Variants in RABGAP1 observed in about 807,000 individuals in gnomAD.
The protein encoded by RABGAP1 is rab GTPase-activating protein 1.
Under a neutral mutation model 137.6 loss-of-function variants are expected in RABGAP1, and 23 were observed. The observed-to-expected ratio is 0.17, with a 90% confidence interval of 0.12 to 0.24. The LOEUF is 0.24. Among genes scored for constraint, RABGAP1 ranks in the 10% least tolerant of loss-of-function variants. The pLI, the probability that RABGAP1 is intolerant of heterozygous loss-of-function variation, is 1.00. For synonymous variants in RABGAP1, 451 were observed against 450.7 expected (o/e 1.00, Z -0.01); for missense variants, 906 against 1,275.8 (o/e 0.71, Z 4.42).
intron 10 of RABGAP1, among the ~76,000 whole-genome samples, chr9:123,007,353 G>A (rs2030370398): frequency 6.7e-6 from 1 of 149,922 alleles, no homozygotes; most frequent in Admixed American, 6.7e-5. Context: ...GGGATTATAG[G>A]CGTGAGCTAC....
upstream of RABGAP1, among the ~76,000 whole-genome samples, chr9:122,936,712 G>A (rs1016663391): frequency 2.6e-5 from 4 of 152,172 alleles, no homozygotes; most frequent in African/African-American, 9.7e-5. Flanking sequence ...CCCACCAGCT[G>A]AACCTCTTTC....
intron 4 of RABGAP1, among the ~76,000 whole-genome samples, chr9:122,986,659 G>A (rs1337663056): frequency 6.6e-6 from 1 of 152,016 alleles, no homozygotes; most frequent in Non-Finnish European, 1.5e-5. Context: ...TAATGTTTTG[G>A]GGATAAATGA....
intron 19 of RABGAP1, among the ~76,000 whole-genome samples, chr9:123,087,565 GT>G (rs1220173203): frequency 6.6e-6 from 1 of 152,322 alleles, no homozygotes; most frequent in South Asian, 2.1e-4. Context: ...CACAATAAAA[GT>G]TTACCCTAGC....
intron 13 of RABGAP1, among the ~76,000 whole-genome samples, chr9:123,023,488 T>C (rs1008279501): frequency 6.6e-6 from 1 of 152,156 alleles, no homozygotes; most frequent in Non-Finnish European, 1.5e-5. Context: ...CATCCTTGAA[T>C]TTAATTTAAA....
At chr9:122,961,183 C>G (rs534209539) in intron 2 of RABGAP1, among the ~76,000 whole-genome samples, 1 of 152,118 alleles carries the variant, frequency 6.6e-6, no homozygotes, top group African/African-American at 2.4e-5. Context: ...TCAATGAACT[C>G]CATGTAGGAT....
At chr9:123,013,303 G>A (rs1475738750) in intron 11 of RABGAP1, among the ~76,000 whole-genome samples, 1 of 151,028 alleles carries the variant, frequency 6.6e-6, no homozygotes, top group Non-Finnish European at 1.5e-5. Flanking sequence ...AGGTAGTGAA[G>A]CTGGGGACAT....
intron 13 of RABGAP1, among the ~76,000 whole-genome samples, chr9:123,028,780 A>G (rs1335569514): frequency 4.6e-5 from 7 of 152,210 alleles, no homozygotes; most frequent in African/African-American, 1.7e-4. Context: ...AATTGTCTTA[A>G]TTCAGATCCT....
chr9:122,939,471 C>T (rs1025911957), upstream of RABGAP1: 2 of 132,700 alleles, frequency 1.5e-5, no homozygotes, highest in African/African-American at 3.7e-5. Flanking sequence ...CACACCTGGC[C>T]TTTTTTATTA....
chr9:122,978,590 G>A (rs913094767), intron 2 of RABGAP1, among the ~76,000 whole-genome samples: 1 of 152,116 alleles, frequency 6.6e-6, no homozygotes, highest in African/African-American at 2.4e-5. Flanking sequence ...AGCTATGATC[G>A]TGCCACTCTC....
At position 122,990,182 on chromosome 9, in the gene RABGAP1, A is replaced by C. The variant is rs1456112178; in HGVS notation, c.892A>C (p.Ile298Leu). ...CTTTACCTTCTCTGTGTCTTTAGAA[A>C]TAAAAGAAGATGATGGTAAAGGTTA... ...DIFTFSVSLE[I>L]KEDDGKGYFS... Residue 298 changes from isoleucine to leucine, a missense_variant, in exon 6 of 26, where the codon ATA becomes CTA. By Grantham distance (5) the Ile-to-Leu change is conservative (BLOSUM62 2). Coordinates refer to ENST00000373647, the MANE Select transcript of RABGAP1 (RefSeq NM_012197.4). 1 of 1,610,108 alleles carries C rather than the reference A, an allele frequency of 6.2e-7. No individual in the cohort carries two copies. Among genetic ancestry groups the C allele is most frequent in the South Asian group, 1.1e-5 (1 of 90,828 alleles).
intron 6 of RABGAP1, among the ~76,000 whole-genome samples, chr9:122,994,032 C>A (rs557977610): frequency 6.6e-6 from 1 of 152,122 alleles, no homozygotes; most frequent in African/African-American, 2.4e-5. Context: ...ATCCACTAAC[C>A]GTCCTCATGA....
At position 123,095,708 on chromosome 9, in the gene RABGAP1, GA is replaced by G. The variant is rs200488779; in HGVS notation, c.2629-2019del. Among the ~76,000 whole-genome samples, 1,154 of 133,786 alleles carry G rather than the reference GA, an allele frequency of 8.6e-3. 9 individuals are homozygous for G. Among genetic ancestry groups the G allele is most frequent in the East Asian group, 0.038 (178 of 4,718 alleles). The allele number at this position is 133,786 out of a possible 152,430, so 87.8% of individuals were successfully genotyped here. On this transcript the variant is annotated intron_variant, in intron 21 of 25. Transcript: ENST00000373647. ...CAGAATGTGACCCTGTGTCTTTGAA[GA>G]AAAAAAAAAAAAATCAGAAATCTCC...
chr9:123,101,084 AATC>A (rs1433734970), intron 24 of RABGAP1, among the ~76,000 whole-genome samples: 1 of 152,210 alleles, frequency 6.6e-6, no homozygotes, highest in Non-Finnish European at 1.5e-5. Flanking sequence ...TTTTATTTGT[AATC>A]ATAGTTTATG....
chr9:122,942,299 C>A (rs1833626326), intron 1 of RABGAP1, among the ~76,000 whole-genome samples: 2 of 152,004 alleles, frequency 1.3e-5, no homozygotes, highest in South Asian at 4.1e-4. Flanking sequence ...TTTTTTTAAA[C>A]GAAGGACGTG....
At chr9:123,036,669 A>G (rs1336984931) in intron 13 of RABGAP1, among the ~76,000 whole-genome samples, 1 of 152,170 alleles carries the variant, frequency 6.6e-6, no homozygotes, top group African/African-American at 2.4e-5. Context: ...TTGTGGTTAA[A>G]TGGAATCAAC....
intron 10 of RABGAP1, among the ~76,000 whole-genome samples, chr9:123,007,373 C>CTTTTTTTTTTTT (rs1298703088): frequency 8.9e-6 from 1 of 112,768 alleles, no homozygotes; most frequent in African/African-American, 3.4e-5. Flanking sequence ...CTGAGCCTGG[C>CTTTTTTTTTTTT]TTTTTTTTTT....
chr9:122,985,475 G>C (rs1836319449), intron 3 of RABGAP1, among the ~76,000 whole-genome samples: 1 of 152,124 alleles, frequency 6.6e-6, no homozygotes, highest in Non-Finnish European at 1.5e-5. Context: ...AGCCAGGCGT[G>C]GTGGCACGCA....
chr9:123,070,549 T>C lies in RABGAP1; in HGVS notation c.1983+125T>C. The C allele has an allele frequency of 2.7e-6, 4 of 1,465,518 alleles. No individual in the cohort carries two copies. The highest frequency in any genetic ancestry group is 2.4e-5 in the East Asian group (1 of 41,932). 90.8% of individuals were successfully genotyped at this position (1,465,518 alleles called of 1,614,324 possible). ...CTTAAGGCATGAATTTTAACACCTATAGCTGGAAACTTTTTCCTTAAATTA... is the reference window on the plus strand; with the variant it reads ...CTTAAGGCATGAATTTTAACACCTACAGCTGGAAACTTTTTCCTTAAATTA... On this transcript the variant is annotated intron_variant, in intron 15 of 25. Transcript: ENST00000373647. This position sits in a 1 kb window ranked among gnomAD's most constrained non-coding sequence, Gnocchi z 4.4.
intron 21 of RABGAP1, among the ~76,000 whole-genome samples, chr9:123,095,146 G>GA (rs2035141336): frequency 7.0e-6 from 1 of 142,888 alleles, no homozygotes; most frequent in Middle Eastern, 3.6e-3. Flanking sequence ...AGGATCACTT[G>GA]AACCCGGGAG....
Sources: gnomAD v4.1 joint callset for allele counts (sites outside exome capture counted in the v4.1 genomes callset) on GRCh38, gnomAD v4.1.1 for gene constraint, Gnocchi (gnomAD v3.1) non-coding constraint, MANE v1.5 for transcripts, NCBI Gene and HGNC (gene_info 2026-07-23, HGNC 2026-07-21) for gene names.